MED12L: variants seen among roughly 807,000 people sequenced by gnomAD.
The protein encoded by MED12L is mediator complex subunit 12L.
MED12L carries 60 observed loss-of-function variants against 281.3 expected under a neutral mutation model. That is an observed-to-expected ratio of 0.21 (90% CI 0.17 to 0.26). MED12L has a LOEUF of 0.26. Among genes scored for constraint, MED12L ranks in the 10% least tolerant of loss-of-function variants. The pLI, the probability that MED12L is intolerant of heterozygous loss-of-function variation, is 1.00. For missense variants in MED12L, 2,146 were observed against 2,680.9 expected, an observed-to-expected ratio of 0.80 and a Z score of 4.41; for synonymous variants, 974 against 987.2, an observed-to-expected ratio of 0.99 and a Z score of 0.25.
chr3:151,194,846 CA>C (rs1724433356), intron 16 of MED12L, among the ~76,000 whole-genome samples: 1 of 151,558 alleles, frequency 6.6e-6, no homozygotes, highest in Non-Finnish European at 1.5e-5. Flanking sequence ...TCATTTTTTT[CA>C]TTGGGTGTTA....
At chr3:151,235,936 T>A (rs1577064048) in intron 16 of MED12L, among the ~76,000 whole-genome samples, 1 of 152,138 alleles carries the variant, frequency 6.6e-6, no homozygotes, top group Admixed American at 6.5e-5. Flanking sequence ...TGTCTCCCTT[T>A]GTTGTTTAAA....
At chr3:151,194,899 T>C (rs937557345) in intron 16 of MED12L, among the ~76,000 whole-genome samples, 1 of 152,174 alleles carries the variant, frequency 6.6e-6, no homozygotes, top group Non-Finnish European at 1.5e-5. Context: ...GCGCGGTGGC[T>C]CATGCCTGTA....
At chr3:151,089,659 C>A (rs1576700309) in intron 2 of MED12L, among the ~76,000 whole-genome samples, 2 of 122,696 alleles carry the variant, frequency 1.6e-5, no homozygotes, top group Admixed American at 2.2e-4. Context: ...AACGAAGACC[C>A]ATGTGGAGAA....
intron 16 of MED12L, among the ~76,000 whole-genome samples, chr3:151,315,285 C>T (rs1416800957): frequency 6.6e-6 from 1 of 152,168 alleles, no homozygotes; most frequent in African/African-American, 2.4e-5. Flanking sequence ...GGAAGAAAAG[C>T]AGGCAGACTC....
At position 151,392,191 on chromosome 3, in the gene MED12L, C is replaced by T. The variant is rs755897574; in HGVS notation, c.5608+2056C>T. Reference sequence around the variant, plus strand: ...TAAAAAATAAATTTTGGGCTGGGCACGGTGGCTGACACCTGTAATCCCAGC... The same window carrying T: ...TAAAAAATAAATTTTGGGCTGGGCATGGTGGCTGACACCTGTAATCCCAGC... On this transcript the variant is annotated intron_variant, in intron 38 of 44. Coordinates refer to ENST00000687756, the MANE Select transcript of MED12L (RefSeq NM_001393769.1). Among the ~76,000 whole-genome samples the T allele has an allele frequency of 4.6e-5, 7 of 151,936 alleles. No individual in the cohort carries two copies. The East Asian group carries it at 9.6e-4, about 21-fold the overall frequency.
intron 5 of MED12L, among the ~76,000 whole-genome samples, chr3:151,155,120 T>C (rs1214606039): frequency 6.6e-6 from 1 of 152,274 alleles, no homozygotes; most frequent in Non-Finnish European, 1.5e-5. Context: ...GTTTAGTTTC[T>C]ACTCTTTCTT....
chr3:151,284,096 TG>T (rs752510991), intron 16 of MED12L, among the ~76,000 whole-genome samples: 69 of 152,360 alleles, frequency 4.5e-4, no homozygotes, highest in Non-Finnish European at 7.2e-4. Flanking sequence ...ACTTCGTTTT[TG>T]TCAGATAAAC....
intron 41 of MED12L, among the ~76,000 whole-genome samples, chr3:151,412,484 C>T (rs1344579603): frequency 1.3e-5 from 2 of 152,198 alleles, no homozygotes; most frequent in Non-Finnish European, 1.5e-5. Flanking sequence ...TAGTGGATAG[C>T]AGCACAGCTC....
At chr3:151,220,144 C>A (rs1175358288) in intron 16 of MED12L, among the ~76,000 whole-genome samples, 1 of 148,496 alleles carries the variant, frequency 6.7e-6, no homozygotes, top group African/African-American at 2.5e-5. Flanking sequence ...ACCCACTACC[C>A]AAGTTGCGGT....
At chr3:151,269,253 AGCCAGGTGTGGTGGTGCAT>A (rs1414575213) in intron 16 of MED12L, among the ~76,000 whole-genome samples, 1 of 152,152 alleles carries the variant, frequency 6.6e-6, no homozygotes, top group Non-Finnish European at 1.5e-5. Flanking sequence ...ATACAAAATT[AGCCAGGTGTGGTGGTGCAT>A]GCCTGTAATC....
chr3:151,193,237 A>T (rs1157438405), intron 15 of MED12L, among the ~76,000 whole-genome samples: 1 of 152,218 alleles, frequency 6.6e-6, no homozygotes, highest in Non-Finnish European at 1.5e-5. Context: ...CTTTCCAGGT[A>T]GTGTAGACAC....
At chr3:151,148,975 C>A (rs1718105044) in intron 5 of MED12L, among the ~76,000 whole-genome samples, 1 of 152,078 alleles carries the variant, frequency 6.6e-6, no homozygotes, top group Non-Finnish European at 1.5e-5. Context: ...TGGCCTTTTC[C>A]CTGTTGTCAT....
In MED12L at chr3:151,387,771, G is replaced by A. The variant is rs1313478562; in HGVS notation, c.5089-39G>A. 5.1e-6 allele frequency: 8 copies of A among 1,559,670 alleles called. No individual in the cohort carries two copies. In the African/African-American group the frequency reaches 1.1e-4, roughly 21 times the overall value. On this transcript the variant is annotated intron_variant, in intron 36 of 44. Coordinates refer to ENST00000687756, the MANE Select transcript of MED12L (RefSeq NM_001393769.1). ...AAGCCTGGCCTATGAATAAGGAAAA[G>A]ATCTGAGTGTGCTATCTTAGAGCGC... is the stretch of plus-strand genomic sequence containing the variant.
At chr3:151,351,800 G>C (rs1753269900) in intron 17 of MED12L, among the ~76,000 whole-genome samples, 1 of 152,150 alleles carries the variant, frequency 6.6e-6, no homozygotes, top group Non-Finnish European at 1.5e-5. Context: ...ATGGGAAGGG[G>C]AAGGAAGCAA....
At chr3:151,191,925 A>G (rs1360018247) in intron 14 of MED12L, among the ~76,000 whole-genome samples, 1 of 152,186 alleles carries the variant, frequency 6.6e-6, no homozygotes, top group East Asian at 1.9e-4. Context: ...ACAAAAAAAA[A>G]AAAAACACCT....
chr3:151,311,180 CA>C (rs1296025169), intron 16 of MED12L, among the ~76,000 whole-genome samples: 1 of 152,106 alleles, frequency 6.6e-6, no homozygotes, highest in Non-Finnish European at 1.5e-5. Flanking sequence ...TGGTAAGATC[CA>C]GCATGACTCT....
intron 16 of MED12L, among the ~76,000 whole-genome samples, chr3:151,345,331 G>A (rs1467229775): frequency 6.6e-6 from 1 of 152,070 alleles, no homozygotes; most frequent in Non-Finnish European, 1.5e-5. Context: ...ATTTTTGGGT[G>A]TTTATCTCAG....
intron 38 of MED12L, 49 bp from the exon 39 acceptor site, chr3:151,394,607 T>G (rs776187893): frequency 6.2e-7 from 1 of 1,605,060 alleles, no homozygotes; most frequent in Non-Finnish European, 8.5e-7. Context: ...TAAAAAGACC[T>G]GTTGCATTAA....
At chr3:151,368,846 C>T (rs1467878670) in intron 25 of MED12L, among the ~76,000 whole-genome samples, 2 of 149,550 alleles carry the variant, frequency 1.3e-5, no homozygotes, top group Non-Finnish European at 3.0e-5. Context: ...ACTGCAACCT[C>T]TGCCTCCCGG....
Sources: allele counts gnomAD v4.1 joint callset (sites outside exome capture counted in the v4.1 genomes callset), GRCh38; gene constraint gnomAD v4.1.1; transcripts MANE v1.5; gene names NCBI Gene and HGNC (gene_info 2026-07-23, HGNC 2026-07-21).